STPG2: variants seen among roughly 807,000 people sequenced by gnomAD.
STPG2 encodes sperm-tail PG-rich repeat-containing protein 2.
STPG2 carries 56 observed loss-of-function variants against 54.2 expected under a neutral mutation model. The ratio of observed to expected loss-of-function variants is 1.03; its 90% confidence interval spans 0.83 to 1.29. The LOEUF (loss-of-function observed/expected upper bound fraction) is 1.29, where lower values mean the gene tolerates loss of function less well. Ranked by LOEUF, STPG2 falls within the 50% of genes most tolerant of loss-of-function variation. The pLI, the probability that STPG2 is intolerant of heterozygous loss-of-function variation, is 0.00. For synonymous variants in STPG2, 200 were observed against 181.8 expected (o/e 1.10, Z -0.81); for missense variants, 596 against 544.9 (o/e 1.09, Z -0.93).
chr4:97,807,721 G>T (rs1727614790), intron 9 of STPG2, among the ~76,000 whole-genome samples: 1 of 151,860 alleles, frequency 6.6e-6, no homozygotes, highest in South Asian at 2.1e-4. Flanking sequence ...GGCAAAAGAA[G>T]AGATATACTG....
At chr4:97,803,530 C>T (rs1560535131) in intron 9 of STPG2, among the ~76,000 whole-genome samples, 1 of 152,060 alleles carries the variant, frequency 6.6e-6, no homozygotes, top group Non-Finnish European at 1.5e-5. Flanking sequence ...CCATCTTCTA[C>T]AGGAGACTTC....
intron 5 of STPG2, among the ~76,000 whole-genome samples, chr4:98,081,039 G>T (rs1185817234): frequency 6.6e-6 from 1 of 152,128 alleles, no homozygotes; most frequent in Non-Finnish European, 1.5e-5. Flanking sequence ...TCTCAAAGCT[G>T]CTGCCCTCTA....
At chr4:98,140,338 G>A (rs1740247054) in intron 1 of STPG2, among the ~76,000 whole-genome samples, 1 of 152,082 alleles carries the variant, frequency 6.6e-6, no homozygotes. Context: ...TGTTAACCTT[G>A]ATATTACAAA....
chr4:98,031,645 A>G (rs1247099502), intron 5 of STPG2, among the ~76,000 whole-genome samples: 1 of 152,086 alleles, frequency 6.6e-6, no homozygotes, highest in African/African-American at 2.4e-5. Flanking sequence ...AGATCATGCC[A>G]CCGCACTCCA....
intron 4 of STPG2, among the ~76,000 whole-genome samples, chr4:97,526,425 C>T (rs894515044): frequency 6.6e-6 from 1 of 152,006 alleles, no homozygotes; most frequent in African/African-American, 2.4e-5. Flanking sequence ...GTCAGGACTA[C>T]TATAAAGTAG....
chr4:98,035,099 G>A (rs1309889365), intron 5 of STPG2, among the ~76,000 whole-genome samples: 1 of 152,044 alleles, frequency 6.6e-6, no homozygotes, highest in Non-Finnish European at 1.5e-5. Flanking sequence ...TAGACAAATG[G>A]GATCTAATTA....
chr4:98,054,014 C>T (rs1737408735), intron 5 of STPG2, among the ~76,000 whole-genome samples: 1 of 152,072 alleles, frequency 6.6e-6, no homozygotes, highest in South Asian at 2.1e-4. Flanking sequence ...ATCCTGAAGC[C>T]TCTAACTTCT....
At chr4:97,886,079 A>G (rs552298851) in intron 8 of STPG2, among the ~76,000 whole-genome samples, 1 of 152,334 alleles carries the variant, frequency 6.6e-6, no homozygotes, top group South Asian at 2.1e-4. Flanking sequence ...AAGCAGTGGA[A>G]TAGAATACAT....
downstream of STPG2, among the ~76,000 whole-genome samples, chr4:97,557,026 C>T (rs947172035): frequency 1.3e-5 from 2 of 152,028 alleles, no homozygotes; most frequent in Non-Finnish European, 2.9e-5. Flanking sequence ...ACTACAAATA[C>T]AAAAATTAGC....
intron 10 of STPG2, among the ~76,000 whole-genome samples, chr4:97,698,923 T>C (rs536268681): frequency 2.3e-4 from 35 of 152,278 alleles, no homozygotes; most frequent in Middle Eastern, 3.4e-3. Flanking sequence ...GAGGCAATGC[T>C]GTGTGGAATA....
rs770625131 is a variant in STPG2, at chr4:97,972,356, A to G, written c.857T>C (p.Phe286Ser). The G allele has an allele frequency of 6.2e-7, 1 of 1,610,962 alleles. No homozygotes were observed. Among genetic ancestry groups the G allele is most frequent in the South Asian group, 1.1e-5 (1 of 90,678 alleles). Reference sequence around the variant, plus strand: ...GAAAGTCCGAGGAACAGAAGAACCAAATGCACTTTTCTTCTGTTTCTTTGA... The same window carrying G: ...GAAAGTCCGAGGAACAGAAGAACCAGATGCACTTTTCTTCTGTTTCTTTGA... The part of the protein sequence containing the change: ...ICSKKQKKSA[F>S]GSSVPRTFFS... Residue 286 changes from phenylalanine (F) to serine (S), a missense_variant, in exon 7 of 11, where the codon TTT (phenylalanine) becomes TCT (serine). Transcript: ENST00000295268.
At chr4:98,050,982 G>A (rs1737301433) in intron 5 of STPG2, among the ~76,000 whole-genome samples, 1 of 151,378 alleles carries the variant, frequency 6.6e-6, no homozygotes, top group Admixed American at 6.6e-5. Context: ...TCCAGCCTGG[G>A]CGACACAGAG....
intron 9 of STPG2, among the ~76,000 whole-genome samples, chr4:97,817,020 G>C (rs1422694822): frequency 6.8e-6 from 1 of 147,376 alleles, no homozygotes; most frequent in Non-Finnish European, 1.5e-5. Flanking sequence ...TATTGGTTCT[G>C]TTTTTCTGGA....
intron 9 of STPG2, among the ~76,000 whole-genome samples, chr4:97,768,726 G>A (rs1460135727): frequency 6.6e-6 from 1 of 151,576 alleles, no homozygotes; most frequent in Non-Finnish European, 1.5e-5. Flanking sequence ...TCCCAAGAAG[G>A]AGTCTTGCTC....
chr4:97,879,830 C>T (rs1730307081), intron 8 of STPG2, among the ~76,000 whole-genome samples: 1 of 152,072 alleles, frequency 6.6e-6, no homozygotes, highest in Non-Finnish European at 1.5e-5. Context: ...GAAAAGGGAA[C>T]CCCTGTATAC....
chr4:97,808,428 C>T (rs571288559), intron 9 of STPG2, among the ~76,000 whole-genome samples: 10 of 151,880 alleles, frequency 6.6e-5, no homozygotes, highest in African/African-American at 1.4e-4. Context: ...AAGAGGTAAT[C>T]GCTAACTATC....
intron 8 of STPG2, among the ~76,000 whole-genome samples, chr4:97,873,610 G>A (rs1318012918): frequency 3.3e-5 from 5 of 150,556 alleles, no homozygotes; most frequent in African/African-American, 9.7e-5. Context: ...GAAACAACAT[G>A]TCAATGTGTC....
At chr4:97,926,311 T>C (rs1405927941) in intron 8 of STPG2, among the ~76,000 whole-genome samples, 1 of 152,164 alleles carries the variant, frequency 6.6e-6, no homozygotes, top group African/African-American at 2.4e-5. Context: ...TGAGAGAGCA[T>C]AAAACAGACC....
At chr4:97,608,896 C>T (rs1733660449) in intron 10 of STPG2, among the ~76,000 whole-genome samples, 2 of 151,936 alleles carry the variant, frequency 1.3e-5, no homozygotes, top group Admixed American at 6.6e-5. Flanking sequence ...TTCAGTGTAC[C>T]AGATTCTCAG....
Sources: gnomAD v4.1 joint callset for allele counts (sites outside exome capture counted in the v4.1 genomes callset) on GRCh38, gnomAD v4.1.1 for gene constraint, MANE v1.5 for transcripts, NCBI Gene and HGNC (gene_info 2026-07-23, HGNC 2026-07-21) for gene names.